Variants in CRTC1 observed in about 807,000 individuals in gnomAD.
The protein encoded by CRTC1 is CREB regulated transcription coactivator 1, also known as CREB-regulated transcription coactivator 1.
CRTC1 carries 18 observed loss-of-function variants against 66.1 expected under a neutral mutation model. The observed-to-expected ratio is 0.27, with a 90% confidence interval of 0.19 to 0.40. The LOEUF is 0.40. Ranked by LOEUF, CRTC1 falls within the 10% of genes least tolerant of loss-of-function variation. CRTC1 has a pLI of 1.00. For synonymous variants in CRTC1, 416 were observed against 398.8 expected (o/e 1.04, Z -0.51); for missense variants, 669 against 887.9 (o/e 0.75, Z 3.13).
chr19:18,744,483 C>T (rs1390572409), intron 2 of CRTC1, among the ~76,000 whole-genome samples: 3 of 140,390 alleles, frequency 2.1e-5, no homozygotes, highest in Non-Finnish European at 3.1e-5. Flanking sequence ...TATATACACA[C>T]ACACACAAAC....
chr19:18,737,178 G>A (rs911037085), intron 1 of CRTC1, among the ~76,000 whole-genome samples: 4 of 151,852 alleles, frequency 2.6e-5, no homozygotes, highest in African/African-American at 9.7e-5. Context: ...TCTCCAGGGC[G>A]AGGGTCCTGT....
chr19:18,772,690 C>T (rs963774527), intron 11 of CRTC1, among the ~76,000 whole-genome samples: 3 of 152,318 alleles, frequency 2.0e-5, no homozygotes, highest in African/African-American at 4.8e-5. Flanking sequence ...AGCCAAGGGC[C>T]GTCTGGGACC....
chr19:18,745,710 G>A, intron 2 of CRTC1, 113 bp from the exon 3 acceptor site: 17 of 1,354,740 alleles, frequency 1.3e-5, no homozygotes, highest in Non-Finnish European at 1.8e-5. Flanking sequence ...GATGGCCGAG[G>A]GTGCTCCAGA....
chr19:18,764,162 G>C (rs907756447), intron 8 of CRTC1, among the ~76,000 whole-genome samples: 3 of 152,218 alleles, frequency 2.0e-5, no homozygotes, highest in African/African-American at 7.2e-5. Context: ...TCCCCTCGGC[G>C]CTTGTCGGGT....
intron 6 of CRTC1, among the ~76,000 whole-genome samples, chr19:18,754,994 A>AT (rs1013940665): frequency 1.3e-5 from 2 of 150,778 alleles, no homozygotes; most frequent in Non-Finnish European, 3.0e-5. Context: ...TTTTTATTTT[A>AT]TTTTTTTGAG....
chr19:18,755,593 CTTTTTTTTTTTT>C (rs58121199), intron 6 of CRTC1, among the ~76,000 whole-genome samples: 21 of 107,494 alleles, frequency 2.0e-4, no homozygotes, highest in Admixed American at 3.9e-4. Flanking sequence ...CCAAACCTGG[CTTTTTTTTTTTT>C]TTTTTTTTTT....
At chr19:18,683,886 T>C in intron 1 of CRTC1, 58 bp downstream of exon 1, 1 of 740,540 alleles carries the variant, frequency 1.4e-6, no homozygotes, top group Non-Finnish European at 1.7e-6. Flanking sequence ...AGGGGGCGCG[T>C]GTCCGGCGCG....
At chr19:18,747,846 C>T (rs1303086522) in intron 4 of CRTC1, among the ~76,000 whole-genome samples, 1 of 152,062 alleles carries the variant, frequency 6.6e-6, no homozygotes, top group Admixed American at 6.5e-5. Flanking sequence ...TGGAGACCAA[C>T]GCAGGCGATC....
chr19:18,731,432 G>A (rs1385270576), intron 1 of CRTC1, among the ~76,000 whole-genome samples: 2 of 152,164 alleles, frequency 1.3e-5, no homozygotes, highest in African/African-American at 4.8e-5. Flanking sequence ...CTCTCATGGG[G>A]GCACCAGTCA....
chr19:18,728,272 C>A (rs142380883), intron 1 of CRTC1, among the ~76,000 whole-genome samples: 1 of 152,178 alleles, frequency 6.6e-6, no homozygotes. Context: ...CTCTCCACCC[C>A]CTTATGTTAC....
At chr19:18,773,780 C>T (rs2054923038) in intron 11 of CRTC1, among the ~76,000 whole-genome samples, 1 of 152,176 alleles carries the variant, frequency 6.6e-6, no homozygotes, top group African/African-American at 2.4e-5. Context: ...ACCTCACAAG[C>T]CTCCTCGCCC....
intron 1 of CRTC1, among the ~76,000 whole-genome samples, chr19:18,701,310 G>A (rs909303156): frequency 6.6e-6 from 1 of 152,260 alleles, no homozygotes. Flanking sequence ...TGTAAAAAGG[G>A]GGTGCTCACA....
Position 18,781,585 on chromosome 19 carries a change from G to A in CRTC1, c.*4203G>A, listed in dbSNP as rs1375249541. 4.4e-6 allele frequency: 1 copy of A among 229,540 alleles called. No individual in the cohort carries two copies. Among genetic ancestry groups the A allele is most frequent in the Non-Finnish European group, 8.6e-6 (1 of 115,884 alleles). The allele number at this position is 229,540 out of a possible 1,614,324, so 14.2% of individuals were successfully genotyped here. A position where few individuals can be genotyped will look rare whatever the true frequency, so the allele number is the denominator to read the frequency against. On this transcript the variant is annotated 3_prime_UTR_variant, in exon 14 of 14. Coordinates refer to ENST00000321949, the MANE Select transcript of CRTC1 (RefSeq NM_015321.3). The stretch of plus-strand genomic sequence containing the variant: ...CCCCTGGGAGCAGGAGGTGGAGTAA[G>A]TTGTACCCCCAGGCCTGGGTGCTGG...
intron 1 of CRTC1, among the ~76,000 whole-genome samples, chr19:18,698,645 C>T (rs73535835): frequency 0.031 from 4,717 of 151,502 alleles, 256 homozygotes; most frequent in African/African-American, 0.11. Context: ...TCAGCAGATG[C>T]GCAGTGTGTA....
intron 1 of CRTC1, among the ~76,000 whole-genome samples, chr19:18,719,965 G>T (rs1324751748): frequency 6.6e-6 from 1 of 152,218 alleles, no homozygotes; most frequent in Non-Finnish European, 1.5e-5. Flanking sequence ...GGCCGCTCTT[G>T]GGGAGGGAGA....
intron 1 of CRTC1, among the ~76,000 whole-genome samples, chr19:18,738,393 A>G (rs1020240016): frequency 6.6e-6 from 1 of 152,146 alleles, no homozygotes; most frequent in Non-Finnish European, 1.5e-5. Flanking sequence ...TTTTGGCCGC[A>G]TGAGGGTCAG....
rs754591348 is a variant in CRTC1 at position 18,779,123 on chromosome 19, C to T, written c.*1741C>T. ...TTCTGATCCCCCCAAAACTGCATTG[C>T]GGCTCTCGCTCGCTCCTGCCTGCCG... On this transcript the variant is annotated 3_prime_UTR_variant, in exon 14 of 14. Transcript: ENST00000321949. 2.2e-5 allele frequency: 5 copies of T among 232,316 alleles called. No individual in the cohort carries two copies. The highest frequency in any genetic ancestry group is 4.3e-5 in the Non-Finnish European group (5 of 117,518). The allele number at this position is 232,316 out of a possible 1,614,324, so 14.4% of individuals were successfully genotyped here. A position where few individuals can be genotyped will look rare whatever the true frequency, so the allele number is the denominator to read the frequency against.
Position 18,760,168 on chromosome 19 carries a change from A to C in CRTC1, c.826A>C (p.Ser276Arg). The change falls in exon 8 of 14, where the codon AGC becomes CGC. Residue 276 changes from serine to arginine, a missense_variant. Physicochemically the swap from Ser to Arg is moderately radical, Grantham distance 110 (BLOSUM62 -1). Coordinates refer to ENST00000321949, the MANE Select transcript of CRTC1 (RefSeq NM_015321.3). This position sits in a 1 kb window ranked among gnomAD's most constrained non-coding sequence, Gnocchi z 6.2. ...EPTFPALSSS[S>R]STGNLAANLT... ...CACCTTCCCTGCACTGAGCAGCTCC[A>C]GCAGCACCGGCAACCTCGCGGCCAA... 9.9e-6 allele frequency: 16 copies of C among 1,613,606 alleles called. No homozygotes were observed. Among genetic ancestry groups the C allele is most frequent in the Non-Finnish European group, 1.4e-5 (16 of 1,179,768 alleles).
chr19:18,697,022 A>G (rs983146766), intron 1 of CRTC1, among the ~76,000 whole-genome samples: 11 of 152,052 alleles, frequency 7.2e-5, no homozygotes, highest in African/African-American at 2.7e-4. Flanking sequence ...TCTGACCTCC[A>G]ACAGGTCCTG....
Sources: gnomAD v4.1 joint callset for allele counts (sites outside exome capture counted in the v4.1 genomes callset) on GRCh38, gnomAD v4.1.1 for gene constraint, Gnocchi (gnomAD v3.1) non-coding constraint, MANE v1.5 for transcripts, NCBI Gene and HGNC (gene_info 2026-07-23, HGNC 2026-07-21) for gene names.